Variants in CLN3 observed in about 807,000 individuals in gnomAD.
CLN3 encodes battenin.
A neutral mutation model predicts 60.7 loss-of-function variants in CLN3; 49 were observed. The ratio of observed to expected loss-of-function variants is 0.81; its 90% CI spans 0.64 to 1.02. The LOEUF (loss-of-function observed/expected upper bound fraction) is 1.02, where lower values mean the gene tolerates loss of function less well. CLN3 is among the 50% of genes least tolerant of loss of function. CLN3 has a pLI of 0.00. For missense variants in CLN3, 516 were observed against 557.4 expected, an observed-to-expected ratio of 0.93 and a Z score of 0.75; for synonymous variants, 256 against 245.8, an observed-to-expected ratio of 1.04 and a Z score of -0.39.
chr16:28,480,049 C>G (rs2046060627), intron 14 of CLN3, among the ~76,000 whole-genome samples: 1 of 151,496 alleles, frequency 6.6e-6, no homozygotes, highest in African/African-American at 2.4e-5. Context: ...CAGCCTGGAA[C>G]TCCTGGGCTA....
chr16:28,482,684 C>CA lies in CLN3; in HGVS notation c.791-13dup. On this transcript the variant is annotated splice_polypyrimidine_tract_variant and intron_variant, in intron 10 of 15. Coordinates refer to ENST00000636147, the MANE Select transcript of CLN3 (RefSeq NM_001042432.2). ...GCTGGAGCTGGAGCCTGCAGGGGAA[C>CA]AGAGAGAGAAGGGCAGATGAAGTTT... 6.2e-7 allele frequency: 1 copy of CA among 1,614,086 alleles called. No individual in the cohort carries two copies. Among genetic ancestry groups the CA allele is most frequent in the South Asian group, 1.1e-5 (1 of 91,072 alleles).
At chr16:28,484,255 C>A (rs2046165541) in intron 9 of CLN3, 137 bp from the exon 10 acceptor site, 1 of 708,972 alleles carries the variant, frequency 1.4e-6, no homozygotes, top group Non-Finnish European at 2.5e-6. Context: ...GCCTCTAAGG[C>A]TCCTACGCTG....
In CLN3 at chr16:28,484,842, A is replaced by T. The variant is rs184717831; in HGVS notation, c.678-724T>A. The T allele has an allele frequency of 4.0e-5, 6 of 151,816 alleles. 1 individual carries two copies. The South Asian group carries it at 6.2e-4, about 16-fold the overall frequency. The allele number at this position is 151,816 out of a possible 1,614,324, so 9.4% of individuals were successfully genotyped here. On this transcript the variant is annotated intron_variant, in intron 9 of 15. Transcript: ENST00000636147. ...ATCCATATTCCTCCTGTATATATAT[A>T]TTTTTACTTAATATTTTTCTTTAAA...
chr16:28,488,693 G>T, intron 4 of CLN3, 31 bp from the exon 5 acceptor site: 1 of 1,601,820 alleles, frequency 6.2e-7, no homozygotes, highest in South Asian at 1.1e-5. Flanking sequence ...CTTTCACCCT[G>T]GAGGCAGAGG....
chr16:28,473,192 C>T (rs905782248), downstream of CLN3, among the ~76,000 whole-genome samples: 4 of 151,518 alleles, frequency 2.6e-5, no homozygotes, highest in African/African-American at 9.7e-5. Flanking sequence ...ACAACCTCCA[C>T]CTCTCGGGCT....
In CLN3 at chr16:28,487,767, CG is replaced by C. The variant is rs752338963; in HGVS notation, c.295-27del. On this transcript the variant is annotated intron_variant, in intron 5 of 15. Transcript: ENST00000636147. ...CTGGGACAGGAGAATAGAGTGAGAC[CG>C]CAGAGCTTCCAGGGGACAACCCTCC... 6.3e-6 allele frequency: 10 copies of C among 1,589,394 alleles called. No individual in the cohort carries two copies. In the Admixed American group the frequency reaches 1.5e-4, roughly 24 times the overall value.
intron 9 of CLN3, 99 bp from the exon 10 acceptor site, chr16:28,484,217 GA>G (rs2046164755): frequency 1.2e-6 from 1 of 825,376 alleles, no homozygotes; most frequent in Admixed American, 2.0e-5. Flanking sequence ...CTCTACCTTT[GA>G]ACACTTTCAA....
Position 28,477,836 on chromosome 16 carries a change from G to A in CLN3, c.1098C>T (p.Gly366=). Reference sequence around the variant, plus strand: ...AGACGAGGTAGATGCTTGGCAGAAAGCCGAACCACACGTCTGCCAGCAGGA... The same window carrying A: ...AGACGAGGTAGATGCTTGGCAGAAAACCGAACCACACGTCTGCCAGCAGGA... ...LVFLLADVWF[G]FLPSIYLVFL... The change falls in exon 15 of 16, where the codon GGC becomes GGT. Residue 366 remains glycine (G), a synonymous_variant. Transcript: ENST00000636147. 2 of 1,614,166 alleles carry A rather than the reference G, an allele frequency of 1.2e-6. No individual in the cohort carries two copies. The highest frequency in any genetic ancestry group is 1.7e-6 in the Non-Finnish European group (2 of 1,180,050).
intron 10 of CLN3, among the ~76,000 whole-genome samples, chr16:28,483,018 C>G (rs555940527): frequency 6.6e-6 from 1 of 151,884 alleles, no homozygotes; most frequent in South Asian, 2.1e-4. Context: ...GCAGGAGAAT[C>G]ACTTGAACCC....
intron 3 of CLN3, 136 bp downstream of exon 3, chr16:28,491,346 T>C (rs557379488): frequency 3.0e-5 from 39 of 1,293,260 alleles, no homozygotes; most frequent in Non-Finnish European, 4.1e-5. Flanking sequence ...ATGCTGCCCC[T>C]GGGGCAAACC....
At chr16:28,480,963 T>C (rs546885918) in intron 14 of CLN3, among the ~76,000 whole-genome samples, 10 of 152,358 alleles carry the variant, frequency 6.6e-5, no homozygotes, top group African/African-American at 1.7e-4. Flanking sequence ...AATTCTATTA[T>C]AATTAACTAT....
intron 9 of CLN3, among the ~76,000 whole-genome samples, chr16:28,485,979 C>T (rs2046207802): frequency 6.6e-6 from 1 of 151,542 alleles, no homozygotes; most frequent in Non-Finnish European, 1.5e-5. Context: ...CAATCATAAT[C>T]AAGTTTTCTT....
intron 7 of CLN3, chr16:28,487,057 C>G (rs532498668): frequency 1.2e-4 from 44 of 356,490 alleles, no homozygotes; most frequent in South Asian, 1.1e-3. Flanking sequence ...ATTACAGGCT[C>G]CTGCCACCAC....
Position 28,477,872 on chromosome 16 carries a change from G to A in CLN3, c.1062C>T (p.Leu354=), listed in dbSNP as rs781086870. ...FTWALALLQC[L]NLVFLLADVW... is the part of the protein sequence containing the mutation. The stretch of plus-strand genomic sequence containing the variant: ...CGTCTGCCAGCAGGAACACCAGGTT[G>A]AGGCACTGTGAACAGGGGGAGAGGC... The change falls in exon 15 of 16, where the codon CTC becomes CTT. Residue 354 remains leucine, a synonymous_variant. Transcript: ENST00000636147. 1 of 1,613,956 alleles carries A rather than the reference G, an allele frequency of 6.2e-7. No homozygotes were observed. Among genetic ancestry groups the A allele is most frequent in the East Asian group, 2.2e-5 (1 of 44,882 alleles).
intron 4 of CLN3, 111 bp from the exon 5 acceptor site, chr16:28,488,773 T>C: frequency 9.7e-7 from 1 of 1,030,080 alleles, no homozygotes; most frequent in Non-Finnish European, 1.5e-6. Flanking sequence ...GGGTCAGCAG[T>C]GACTGACTTC....
chr16:28,490,795 A>T (rs1192182359), intron 3 of CLN3, among the ~76,000 whole-genome samples: 2 of 150,548 alleles, frequency 1.3e-5, no homozygotes, highest in Admixed American at 6.6e-5. Flanking sequence ...CAGGCCCGGC[A>T]TGGTGGCTCA....
At chr16:28,483,713 C>CTTTTTTT (rs755660742) in intron 10 of CLN3, among the ~76,000 whole-genome samples, 5 of 100,526 alleles carry the variant, frequency 5.0e-5, no homozygotes, top group African/African-American at 9.1e-5. Flanking sequence ...CCTTTCTTTT[C>CTTTTTTT]TTTTTTTTTT....
chr16:28,467,292 T>G, the CLN3 span, among the ~76,000 whole-genome samples: 1 of 82,816 alleles, frequency 1.2e-5, no homozygotes, highest in Non-Finnish European at 2.6e-5. Flanking sequence ...TCCGCTCCAC[T>G]CAGTCGCCCA....
chr16:28,489,914 G>C (rs1424188623), intron 3 of CLN3, among the ~76,000 whole-genome samples: 2 of 151,856 alleles, frequency 1.3e-5, no homozygotes, highest in Non-Finnish European at 2.9e-5. Context: ...AAAATTAGCT[G>C]GGCGAAGTTG....
Sources: allele counts gnomAD v4.1 joint callset (sites outside exome capture counted in the v4.1 genomes callset), GRCh38; gene constraint gnomAD v4.1.1; transcripts MANE v1.5; gene names NCBI Gene and HGNC (gene_info 2026-07-23, HGNC 2026-07-21).